Variants in GPR137B observed in about 807,000 individuals in gnomAD.
The protein encoded by GPR137B is integral membrane protein GPR137B.
In GPR137B, 42 loss-of-function variants were observed where a neutral mutation model predicts 42.5. The observed-to-expected ratio is 0.99, with a 90% CI of 0.77 to 1.28. The LOEUF (loss-of-function observed/expected upper bound fraction) is 1.28, where lower values mean the gene tolerates loss of function less well. Among genes scored for constraint, GPR137B ranks in the 50% most tolerant of loss-of-function variants. The pLI, the probability that GPR137B is intolerant of heterozygous loss-of-function variation, is 0.00. For missense variants in GPR137B, 487 were observed against 493.9 expected, an observed-to-expected ratio of 0.99 and a Z score of 0.13; for synonymous variants, 218 against 209.7, an observed-to-expected ratio of 1.04 and a Z score of -0.34.
At chr1:236,190,693 A>C (rs1158175731) in intron 5 of GPR137B, among the ~76,000 whole-genome samples, 1 of 152,214 alleles carries the variant, frequency 6.6e-6, no homozygotes, top group Admixed American at 6.5e-5. Context: ...GTTTCTGCAG[A>C]GACAGCTGCT....
At chr1:236,198,099 T>C (rs1474072703) in intron 5 of GPR137B, among the ~76,000 whole-genome samples, 1 of 152,234 alleles carries the variant, frequency 6.6e-6, no homozygotes, top group Admixed American at 6.5e-5. Context: ...CTGGGTAATG[T>C]GATACCTCCA....
At position 236,179,950 on chromosome 1, in the gene GPR137B, C is replaced by T; in HGVS notation, c.759C>T (p.Tyr253=). 1 of 1,612,496 alleles carries T rather than the reference C, an allele frequency of 6.2e-7. No homozygotes were observed. The highest frequency in any genetic ancestry group is 8.5e-7 in the Non-Finnish European group (1 of 1,178,590). ...VILLYTSRAC[Y]NLFILSFSQN... ...TGCTTTACACCTCTCGGGCCTGCTA[C>T]AACCTGTTCATCCTGTCATTTTCTC... Residue 253 remains tyrosine, a synonymous_variant, in exon 4 of 7, where the codon TAC becomes TAT. Transcript: ENST00000366592.
chr1:236,187,918 G>A (rs1663079935), intron 5 of GPR137B, among the ~76,000 whole-genome samples: 1 of 152,114 alleles, frequency 6.6e-6, no homozygotes, highest in Admixed American at 6.5e-5. Context: ...AATTACTTTG[G>A]GCAGTATGGC....
In GPR137B at chr1:236,152,103, A is replaced by G. The variant is rs572161474; in HGVS notation, c.414+9067A>G. 4.6e-5 allele frequency among the ~76,000 whole-genome samples: 7 copies of G among 152,288 alleles called. No individual in the cohort carries two copies. The East Asian group carries it at 9.6e-4, about 21-fold the overall frequency. On this transcript the variant is annotated intron_variant, in intron 1 of 6. Coordinates refer to ENST00000366592, the MANE Select transcript of GPR137B (RefSeq NM_003272.4). ...GTCCTCCCAGCTTTCACAAAGCAAC[A>G]TAAAGTTCAACTGGAACATGGCGAT...
In GPR137B at chr1:236,167,827, G is replaced by A. The variant is rs76198856; in HGVS notation, c.415-879G>A. 5.1e-3 allele frequency among the ~76,000 whole-genome samples: 777 copies of A among 152,262 alleles called. 8 individuals are homozygous for A. Among genetic ancestry groups the A allele is most frequent in the African/African-American group, 0.018 (744 of 41,548 alleles). ...CAGTAGCAGCCTCCTTGTCTGGGGC[G>A]TGGAAGCATGCGTGGACACCTACCT... On this transcript the variant is annotated intron_variant, in intron 1 of 6. Coordinates refer to ENST00000366592, the MANE Select transcript of GPR137B (RefSeq NM_003272.4).
intron 5 of GPR137B, among the ~76,000 whole-genome samples, chr1:236,198,459 C>G (rs1663402059): frequency 6.6e-6 from 1 of 152,132 alleles, no homozygotes; most frequent in Admixed American, 6.5e-5. Flanking sequence ...ACCTGCCTGG[C>G]CTCCCAAAGT....
intron 1 of GPR137B, among the ~76,000 whole-genome samples, chr1:236,145,534 T>G (rs1661659321): frequency 6.6e-6 from 1 of 152,192 alleles, no homozygotes; most frequent in Non-Finnish European, 1.5e-5. Context: ...AAGTTTTGTA[T>G]TTTTAGTAGA....
chr1:236,169,222 ACAGGTACAGGTG>A (rs1424056151), intron 2 of GPR137B, among the ~76,000 whole-genome samples: 11 of 125,576 alleles, frequency 8.8e-5, no homozygotes, highest in African/African-American at 2.7e-4. Context: ...AGGTACAGGT[ACAGGTACAGGTG>A]CAGGTGCAGG....
chr1:236,190,148 C>CTTCTTTT (rs61093509), intron 5 of GPR137B, among the ~76,000 whole-genome samples: 46 of 119,390 alleles, frequency 3.9e-4, no homozygotes, highest in African/African-American at 1.1e-3. Context: ...CCTGCTTCTT[C>CTTCTTTT]TTTTTTTTTT....
intron 5 of GPR137B, among the ~76,000 whole-genome samples, chr1:236,188,502 T>A (rs761623245): frequency 6.6e-6 from 1 of 152,202 alleles, no homozygotes; most frequent in South Asian, 2.1e-4. Context: ...CATCGATACC[T>A]AGTTTATGGA....
chr1:236,179,089 G>A (rs951261932), intron 3 of GPR137B, among the ~76,000 whole-genome samples: 14 of 151,042 alleles, frequency 9.3e-5, no homozygotes, highest in Admixed American at 1.3e-4. Context: ...GAGCCACCGC[G>A]CCCGCACTAC....
At chr1:236,207,246 C>T in intron 6 of GPR137B, 1 of 985,324 alleles carries the variant, frequency 1.0e-6, no homozygotes, top group Admixed American at 6.1e-5. Context: ...AAGAAGAAAG[C>T]TGCCCAATGC....
chr1:236,150,813 G>A lies in GPR137B; in HGVS notation c.414+7777G>A, dbSNP rs1282910804. 6.6e-6 allele frequency among the ~76,000 whole-genome samples: 1 copy of A among 152,220 alleles called. No homozygotes were observed. The highest frequency in any genetic ancestry group is 2.4e-5 in the African/African-American group (1 of 41,470). Reference sequence around the variant, plus strand: ...GGAGGCAGGGCCGGAGCACTGTCCTGAGGCTAGTGCAGGTTCTCAGTGGAG... The same window carrying A: ...GGAGGCAGGGCCGGAGCACTGTCCTAAGGCTAGTGCAGGTTCTCAGTGGAG... On this transcript the variant is annotated intron_variant, in intron 1 of 6. Transcript: ENST00000366592. This position sits in a 1 kb window ranked among gnomAD's most constrained non-coding sequence, Gnocchi z 6.2.
chr1:236,200,284 G>T (rs1663455301), intron 5 of GPR137B, among the ~76,000 whole-genome samples: 1 of 151,886 alleles, frequency 6.6e-6, no homozygotes, highest in African/African-American at 2.4e-5. Context: ...GGTCTATCTT[G>T]GAGAATGTTC....
rs187153139 is a variant in GPR137B at position 236,166,391 on chromosome 1, C to T, written c.415-2315C>T. Reference sequence around the variant, plus strand: ...TGTCAGATAAAGTGGAACCAGGACTCCTTTAAAGAAGGGTCACTGTACTGA... The same window carrying T: ...TGTCAGATAAAGTGGAACCAGGACTTCTTTAAAGAAGGGTCACTGTACTGA... On this transcript the variant is annotated intron_variant, in intron 1 of 6. Transcript: ENST00000366592. Among the ~76,000 whole-genome samples the T allele has an allele frequency of 1.3e-4, 20 of 149,128 alleles. No individual in the cohort carries two copies. The East Asian group carries it at 3.9e-3, about 29-fold the overall frequency.
At chr1:236,185,677 T>G (rs898331753) in intron 5 of GPR137B, among the ~76,000 whole-genome samples, 8 of 152,216 alleles carry the variant, frequency 5.3e-5, no homozygotes, top group African/African-American at 1.9e-4. Flanking sequence ...TGCCTTAGTC[T>G]TGCATGTAGC....
intron 2 of GPR137B, among the ~76,000 whole-genome samples, chr1:236,172,589 A>G (rs1662568176): frequency 6.6e-6 from 1 of 152,132 alleles, no homozygotes; most frequent in Non-Finnish European, 1.5e-5. Flanking sequence ...GGTTTAAGAA[A>G]TGTGAACATT....
At position 236,150,518 on chromosome 1, in the gene GPR137B, GCCAA is replaced by G. The variant is rs1390489442; in HGVS notation, c.414+7485_414+7488del. On this transcript the variant is annotated intron_variant, in intron 1 of 6. Coordinates refer to ENST00000366592, the MANE Select transcript of GPR137B (RefSeq NM_003272.4). The surrounding 1 kb of genome is among the most constrained non-coding windows in gnomAD (Gnocchi z 6.2). ...CGCATCAGTGCCTCGGTGATGCCCT[GCCAA>G]CCGAGGGGGAACTAAATCCTGTTAA... 6.6e-6 allele frequency among the ~76,000 whole-genome samples: 1 copy of G among 152,144 alleles called. No homozygotes were observed. Among genetic ancestry groups the G allele is most frequent in the Non-Finnish European group, 1.5e-5 (1 of 68,030 alleles).
chr1:236,190,737 C>A (rs999824056), intron 5 of GPR137B, among the ~76,000 whole-genome samples: 20 of 152,132 alleles, frequency 1.3e-4, no homozygotes, highest in Non-Finnish European at 1.5e-5. Flanking sequence ...GTGGGTAACC[C>A]GACCTTTCTG....
Sources: allele counts gnomAD v4.1 joint callset (sites outside exome capture counted in the v4.1 genomes callset), GRCh38; gene constraint gnomAD v4.1.1; non-coding constraint Gnocchi (gnomAD v3.1); transcripts MANE v1.5; gene names NCBI Gene and HGNC (gene_info 2026-07-23, HGNC 2026-07-21).